PTPRK: variants seen among roughly 807,000 people sequenced by gnomAD.
The protein encoded by PTPRK is protein tyrosine phosphatase receptor type K.
A neutral mutation model predicts 178.0 loss-of-function variants in PTPRK; 75 were observed. The ratio of observed to expected loss-of-function variants is 0.42; its 90% CI spans 0.35 to 0.51. PTPRK has a LOEUF of 0.51. PTPRK is among the 20% of genes least tolerant of loss of function. PTPRK has a pLI of 0.02. For missense variants in PTPRK, 1,441 were observed against 1,797.8 expected, an observed-to-expected ratio of 0.80 and a Z score of 3.59; for synonymous variants, 637 against 620.6, an observed-to-expected ratio of 1.03 and a Z score of -0.39.
At chr6:128,503,841 A>AG (rs1855906331) in intron 1 of PTPRK, among the ~76,000 whole-genome samples, 3 of 94,934 alleles carry the variant, frequency 3.2e-5, no homozygotes, top group African/African-American at 1.3e-4. Flanking sequence ...CCTGGTTATT[A>AG]TTGTGTGTGT....
intron 1 of PTPRK, among the ~76,000 whole-genome samples, chr6:128,428,735 T>C (rs527597851): frequency 1.3e-5 from 2 of 152,240 alleles, no homozygotes; most frequent in East Asian, 1.9e-4. Context: ...CAACCTATGA[T>C]GGATTGACTT....
intron 11 of PTPRK, among the ~76,000 whole-genome samples, chr6:128,069,115 C>A (rs553643303): frequency 7.6e-4 from 115 of 152,180 alleles, no homozygotes; most frequent in African/African-American, 2.7e-3. Context: ...AAAAGGACAT[C>A]AAAAGAAAGA....
At chr6:128,235,642 T>C (rs775862427) in intron 5 of PTPRK, 1 of 470,348 alleles carries the variant, frequency 2.1e-6, no homozygotes. Flanking sequence ...CATTCATAGG[T>C]TTTAAATTGC....
intron 15 of PTPRK, among the ~76,000 whole-genome samples, chr6:128,003,407 T>A (rs1339063605): frequency 6.6e-6 from 1 of 151,742 alleles, no homozygotes; most frequent in African/African-American, 2.4e-5. Context: ...TATCTAAACA[T>A]CAAGAGAGGT....
At chr6:128,104,219 C>T (rs550090737) in intron 7 of PTPRK, among the ~76,000 whole-genome samples, 1 of 152,268 alleles carries the variant, frequency 6.6e-6, no homozygotes, top group Admixed American at 6.5e-5. Flanking sequence ...AACTTCATTA[C>T]ATTCTGTCTT....
At chr6:128,333,107 C>T (rs1408167714) in intron 2 of PTPRK, among the ~76,000 whole-genome samples, 1 of 152,158 alleles carries the variant, frequency 6.6e-6, no homozygotes, top group Admixed American at 6.5e-5. Context: ...TGTCCTGTGG[C>T]CAATTTTGTA....
intron 1 of PTPRK, among the ~76,000 whole-genome samples, chr6:128,467,259 T>C (rs1849975511): frequency 1.3e-5 from 2 of 152,174 alleles, no homozygotes; most frequent in African/African-American, 4.8e-5. Flanking sequence ...GCTAAAATTA[T>C]AAGCAGGAGC....
At chr6:128,279,058 G>C (rs1821261360) in intron 3 of PTPRK, among the ~76,000 whole-genome samples, 1 of 152,016 alleles carries the variant, frequency 6.6e-6, no homozygotes, top group Non-Finnish European at 1.5e-5. Flanking sequence ...TGTGTGTTTA[G>C]CTTTCCTACT....
At chr6:128,051,128 T>C (rs1778935998) in intron 13 of PTPRK, among the ~76,000 whole-genome samples, 3 of 152,204 alleles carry the variant, frequency 2.0e-5, no homozygotes, top group Admixed American at 1.3e-4. Context: ...TTCCCTATTG[T>C]TTTAAAAGAT....
At chr6:128,147,627 A>C (rs894468822) in intron 7 of PTPRK, among the ~76,000 whole-genome samples, 1 of 152,180 alleles carries the variant, frequency 6.6e-6, no homozygotes, top group Non-Finnish European at 1.5e-5. Flanking sequence ...TCCTATCAGC[A>C]GCATGTCATT....
intron 13 of PTPRK, among the ~76,000 whole-genome samples, chr6:128,029,424 T>C (rs58544367): frequency 0.11 from 16,544 of 151,864 alleles, 2,305 homozygotes; most frequent in African/African-American, 0.32. Flanking sequence ...TCTGGGAGGC[T>C]GAGGCAGGTG....
intron 7 of PTPRK, among the ~76,000 whole-genome samples, chr6:128,168,265 G>T (rs1188719675): frequency 6.6e-6 from 1 of 152,036 alleles, no homozygotes; most frequent in African/African-American, 2.4e-5. Context: ...AATATAAACA[G>T]CCCTAAGTGT....
At chr6:128,271,414 G>A (rs996178560) in intron 3 of PTPRK, among the ~76,000 whole-genome samples, 5 of 152,070 alleles carry the variant, frequency 3.3e-5, no homozygotes, top group African/African-American at 7.2e-5. Context: ...AGCACTGCAG[G>A]GAGGTTGAAA....
intron 3 of PTPRK, among the ~76,000 whole-genome samples, chr6:128,296,456 G>C (rs189068006): frequency 6.6e-6 from 1 of 152,108 alleles, no homozygotes; most frequent in Admixed American, 6.6e-5. Context: ...AGGAAAAAAT[G>C]TTAAGGGCAG....
At chr6:128,324,228 T>C (rs1829237782) in intron 2 of PTPRK, among the ~76,000 whole-genome samples, 1 of 152,120 alleles carries the variant, frequency 6.6e-6, no homozygotes, top group Non-Finnish European at 1.5e-5. Context: ...ATTTAAATTA[T>C]TTTTAGAGGT....
intron 1 of PTPRK, among the ~76,000 whole-genome samples, chr6:128,502,141 T>G (rs1855649779): frequency 6.6e-6 from 1 of 152,210 alleles, no homozygotes; most frequent in Non-Finnish European, 1.5e-5. Context: ...GGAAAGATGG[T>G]GTTTAGCATG....
At chr6:128,267,398 ATC>A (rs1185238863) in intron 3 of PTPRK, among the ~76,000 whole-genome samples, 2 of 152,092 alleles carry the variant, frequency 1.3e-5, no homozygotes, top group East Asian at 1.9e-4. Context: ...GGGGGGAAAT[ATC>A]TCTCTTTTAT....
intron 2 of PTPRK, among the ~76,000 whole-genome samples, chr6:128,395,535 G>A (rs1463042027): frequency 2.6e-5 from 4 of 152,052 alleles, no homozygotes; most frequent in African/African-American, 7.2e-5. Context: ...ATTATTCTAT[G>A]ATGATAAACA....
chr6:128,211,422 C>T (rs1808143435), intron 6 of PTPRK, among the ~76,000 whole-genome samples: 1 of 151,848 alleles, frequency 6.6e-6, no homozygotes, highest in African/African-American at 2.4e-5. Flanking sequence ...ATATTATTTC[C>T]TAGAAAGAGG....
Sources: allele counts gnomAD v4.1 joint callset (sites outside exome capture counted in the v4.1 genomes callset), GRCh38; gene constraint gnomAD v4.1.1; transcripts MANE v1.5; gene names NCBI Gene and HGNC (gene_info 2026-07-23, HGNC 2026-07-21).